The following SPOCD1 variants were observed in gnomAD, a reference collection of about 807,000 sequenced individuals.
SPOCD1 encodes SPOC domain-containing protein 1.
SPOCD1 carries 64 observed loss-of-function variants against 92.2 expected under a neutral mutation model. The ratio of observed to expected loss-of-function variants is 0.69; its 90% CI spans 0.57 to 0.86. The LOEUF (loss-of-function observed/expected upper bound fraction) is 0.86. Ranked by LOEUF, SPOCD1 falls within the 40% of genes least tolerant of loss-of-function variation. The pLI is 0.00. For missense variants in SPOCD1, 1,360 were observed against 1,543.1 expected (o/e 0.88, Z 1.99); for synonymous variants, 578 against 619.3 (o/e 0.93, Z 0.99).
Position 31,793,144 on chromosome 1 carries a change from C to A in SPOCD1, c.2685+134G>T, listed in dbSNP as rs908760465. The A allele has an allele frequency of 7.7e-5, 90 of 1,168,166 alleles. No individual in the cohort carries two copies. The Middle Eastern group carries it at 2.6e-3, about 34-fold the overall frequency. The allele number at this position is 1,168,166 out of a possible 1,614,324, so 72.4% of individuals were successfully genotyped here. ...ACCAACATCTCATTTGCCCCCATGC[C>A]CTGCACAGGGCCAGGCACAGAAAGG... is the stretch of plus-strand genomic sequence containing the variant. On this transcript the variant is annotated intron_variant, in intron 13 of 15. Transcript: ENST00000360482.
chr1:31,802,549 G>C (rs1181605751), intron 2 of SPOCD1, among the ~76,000 whole-genome samples: 1 of 152,010 alleles, frequency 6.6e-6, no homozygotes. Flanking sequence ...AGTATTATTG[G>C]GAGAAAAAGA....
At position 31,800,626 on chromosome 1, in the gene SPOCD1, G is replaced by A. The variant is rs367603473; in HGVS notation, c.1426-9C>T. The A allele has an allele frequency of 1.0e-5, 16 of 1,593,110 alleles. No individual in the cohort carries two copies. The highest frequency in any genetic ancestry group is 1.3e-5 in the Non-Finnish European group (15 of 1,166,898). ...ACTGGCCCGGAACCCAGCTGCGGGG[G>A]AGATCGCACTTCAGAAGCAAGCGGG... On this transcript the variant is annotated splice_polypyrimidine_tract_variant and intron_variant, in intron 3 of 15. Coordinates refer to ENST00000360482, the MANE Select transcript of SPOCD1 (RefSeq NM_144569.7).
chr1:31,797,666 G>C (rs1464776694), intron 9 of SPOCD1, among the ~76,000 whole-genome samples: 1 of 152,134 alleles, frequency 6.6e-6, no homozygotes, highest in East Asian at 1.9e-4. Context: ...TTCTCTCACT[G>C]GGCCACCAAC....
intron 12 of SPOCD1, 138 bp from the exon 13 acceptor site, chr1:31,793,566 G>A: frequency 6.7e-7 from 1 of 1,484,812 alleles, no homozygotes; most frequent in Non-Finnish European, 9.2e-7. Flanking sequence ...CTTGTGCAGG[G>A]GGCTGCCAGG....
chr1:31,803,499 G>T (rs562898168), intron 2 of SPOCD1, among the ~76,000 whole-genome samples: 1 of 151,882 alleles, frequency 6.6e-6, no homozygotes, highest in African/African-American at 2.4e-5. Context: ...TTGGGAGGCC[G>T]AGACAGGAGG....
intron 2 of SPOCD1, among the ~76,000 whole-genome samples, chr1:31,805,970 A>G (rs1648793582): frequency 1.3e-5 from 2 of 152,204 alleles, no homozygotes; most frequent in African/African-American, 2.4e-5. Context: ...TTGTAGCTAT[A>G]TTAATAATCA....
Position 31,815,360 on chromosome 1 carries a change from C to T in SPOCD1, c.-27G>A, listed in dbSNP as rs759485382. On this transcript the variant is annotated 5_prime_UTR_variant, in exon 2 of 16. Coordinates refer to ENST00000360482, the MANE Select transcript of SPOCD1 (RefSeq NM_144569.7). ...TCTGTCCACCTACCTGGGCCAAAAG[C>T]ACAACACGGGCCCTGTGTGGAGACA... is the stretch of plus-strand genomic sequence containing the variant. 90 of 1,516,360 alleles carry T rather than the reference C, an allele frequency of 5.9e-5. No individual in the cohort carries two copies. Among genetic ancestry groups the T allele is most frequent in the Middle Eastern group, 3.6e-4 (2 of 5,618 alleles). 93.9% of individuals were successfully genotyped at this position (1,516,360 alleles called of 1,614,324 possible). A position where few individuals can be genotyped will look rare whatever the true frequency, so the allele number is the denominator to read the frequency against.
rs774068573 is a variant in SPOCD1 at position 31,814,317 on chromosome 1, C to T, written c.1017G>A (p.Glu339=). The T allele has an allele frequency of 1.0e-5, 16 of 1,575,370 alleles. No individual in the cohort carries two copies. The highest frequency in any genetic ancestry group is 1.4e-5 in the African/African-American group (1 of 73,972). ...GCACGACACACACAGCTTCTTGCTG[C>T]TCTGCAGAGGCCTGTGCTGACGCCC... is the stretch of plus-strand genomic sequence containing the variant. The part of the protein sequence containing the change: ...CLGASAQASA[E]QQEAVCVVRT... Residue 339 remains glutamate, a synonymous_variant, in exon 2 of 16, where the codon GAG becomes GAA. Transcript: ENST00000360482. The surrounding 1 kb of genome is among the most constrained non-coding windows in gnomAD (Gnocchi z 4.2).
rs1021115901 is a variant in SPOCD1 at position 31,798,966 on chromosome 1, CAG to C, written c.1869-367_1869-366del. 1.5e-5 allele frequency: 8 copies of C among 535,642 alleles called. No individual in the cohort carries two copies. Among genetic ancestry groups the C allele is most frequent in the Admixed American group, 1.1e-4 (3 of 28,372 alleles). The allele number at this position is 535,642 out of a possible 1,614,324, so 33.2% of individuals were successfully genotyped here. On this transcript the variant is annotated intron_variant, in intron 7 of 15. Transcript: ENST00000360482. This position sits in a 1 kb window ranked among gnomAD's most constrained non-coding sequence, Gnocchi z 4.1. ...GGTCAGGTCAGAGTAAGGCAGGAGT[CAG>C]GGGGAGAGAATGGAGCCCTGGCCCT...
Position 31,815,205 on chromosome 1 carries a change from C to T in SPOCD1, c.129G>A (p.Pro43=), listed in dbSNP as rs898484001. The T allele has an allele frequency of 5.0e-6, 8 of 1,608,228 alleles. No individual in the cohort carries two copies. Among genetic ancestry groups the T allele is most frequent in the African/African-American group, 1.3e-5 (1 of 74,816 alleles). ...TGACTCCGGGCCCAGAGCTTGCTCC[C>T]GGCCCATCTGGTGACAGGCCTGGCA... ...SSMPGLSPDG[P]GASSGPGVRA... The change falls in exon 2 of 16, where the codon CCG becomes CCA. Residue 43 remains proline, a synonymous_variant. Coordinates refer to ENST00000360482, the MANE Select transcript of SPOCD1 (RefSeq NM_144569.7).
intron 2 of SPOCD1, among the ~76,000 whole-genome samples, chr1:31,808,794 A>T (rs1027311374): frequency 6.6e-6 from 1 of 152,244 alleles, no homozygotes; most frequent in African/African-American, 2.4e-5. Context: ...ATCCAAATAG[A>T]TAAATTATAT....
At position 31,814,250 on chromosome 1, in the gene SPOCD1, C is replaced by T. The variant is rs1262319325; in HGVS notation, c.1084G>A (p.Glu362Lys). Residue 362 changes from glutamate (E) to lysine (K), a missense_variant, in exon 2 of 16, where the codon GAG becomes AAG. Coordinates refer to ENST00000360482, the MANE Select transcript of SPOCD1 (RefSeq NM_144569.7). The surrounding 1 kb of genome is among the most constrained non-coding windows in gnomAD (Gnocchi z 4.2). ...DEGQAPAQDQ[E>K]ELEAKAQPAS... ...GGCTGAGCCTTGGCCTCCAGCTCCTCCTGGTCCTGTGCTGGAGCCTGGCCT... is the reference window on the plus strand; with the variant it reads ...GGCTGAGCCTTGGCCTCCAGCTCCTTCTGGTCCTGTGCTGGAGCCTGGCCT... 1 of 1,584,672 alleles carries T rather than the reference C, an allele frequency of 6.3e-7. No individual in the cohort carries two copies. The highest frequency in any genetic ancestry group is 8.6e-7 in the Non-Finnish European group (1 of 1,164,778).
chr1:31,796,734 C>A lies in SPOCD1; in HGVS notation c.2146-19G>T. On this transcript the variant is annotated intron_variant, in intron 9 of 15. Coordinates refer to ENST00000360482, the MANE Select transcript of SPOCD1 (RefSeq NM_144569.7). Reference sequence around the variant, plus strand: ...TCAGGCCCTGAAGAGGTGGAGCAGGCCAAGCTGAGCCCAGTTAGGGGGCCT... The same window carrying A: ...TCAGGCCCTGAAGAGGTGGAGCAGGACAAGCTGAGCCCAGTTAGGGGGCCT... The A allele has an allele frequency of 6.2e-7, 1 of 1,614,002 alleles. No homozygotes were observed. The highest frequency in any genetic ancestry group is 8.5e-7 in the Non-Finnish European group (1 of 1,179,928).
chr1:31,795,730 A>G (rs1293213099), intron 10 of SPOCD1: 2 of 152,094 alleles, frequency 1.3e-5, no homozygotes, highest in Non-Finnish European at 2.9e-5. Flanking sequence ...GTTCACTGTC[A>G]CTTCCCCAGT....
rs535229713 is a variant in SPOCD1 at position 31,791,179 on chromosome 1, C to G, written c.3075G>C (p.Gly1025=). The change falls in exon 16 of 16, where the codon GGG becomes GGC. Residue 1025 remains glycine (G), a synonymous_variant. Coordinates refer to ENST00000360482, the MANE Select transcript of SPOCD1 (RefSeq NM_144569.7). ...LPKEGLPDTA[G]SSPWLGKVQK... Reference sequence around the variant, plus strand: ...GAACCTTCCCCAACCAGGGGCTGGACCCTGCTGTGTCTGGAAGCCCTTCCT... The same window carrying G: ...GAACCTTCCCCAACCAGGGGCTGGAGCCTGCTGTGTCTGGAAGCCCTTCCT... 2.5e-6 allele frequency: 4 copies of G among 1,612,428 alleles called. No homozygotes were observed. Among genetic ancestry groups the G allele is most frequent in the African/African-American group, 2.7e-5 (2 of 75,034 alleles).
At position 31,814,294 on chromosome 1, in the gene SPOCD1, A is replaced by C. The variant is rs1649398859; in HGVS notation, c.1040T>G (p.Val347Gly). ...SAEQQEAVCV[V>G]RTGSDEGQAP... ...CTGGCCTTCATCGCTGCCAGTCCGC[A>C]CGACACACACAGCTTCTTGCTGCTC... is the stretch of plus-strand genomic sequence containing the variant. The change falls in exon 2 of 16, where the codon GTG becomes GGG. Residue 347 changes from valine to glycine, a missense_variant. Val to Gly is a moderately radical substitution (Grantham distance 109). This residue lies in a region of SPOCD1 where 606 missense variants were observed against 601.5 expected (regional missense o/e 1.01). Coordinates refer to ENST00000360482, the MANE Select transcript of SPOCD1 (RefSeq NM_144569.7). The surrounding 1 kb of genome is among the most constrained non-coding windows in gnomAD (Gnocchi z 4.2). 1 of 1,577,116 alleles carries C rather than the reference A, an allele frequency of 6.3e-7. No individual in the cohort carries two copies. Among genetic ancestry groups the C allele is most frequent in the Non-Finnish European group, 8.6e-7 (1 of 1,157,980 alleles).
intron 15 of SPOCD1, among the ~76,000 whole-genome samples, chr1:31,791,693 ATT>A (rs1371034116): frequency 6.6e-6 from 1 of 152,120 alleles, no homozygotes; most frequent in African/African-American, 2.4e-5. Flanking sequence ...CTGAGGTGAC[ATT>A]TACAGTCAAG....
Position 31,792,268 on chromosome 1 carries a change from G to T in SPOCD1, c.2909C>A (p.Pro970His), listed in dbSNP as rs1391998286. 6.2e-7 allele frequency: 1 copy of T among 1,613,088 alleles called. No homozygotes were observed. The highest frequency in any genetic ancestry group is 2.2e-5 in the East Asian group (1 of 44,864). Reference protein sequence around the residue: ...SVEHMGMVLLPLPAFQPLPTR... With the variant: ...SVEHMGMVLLHLPAFQPLPTR... ...GGGCAGGGGCTGGAAGGCAGGCAGG[G>T]GCAGCAGGACCATCCCCATGTGCTC... Residue 970 changes from proline (P) to histidine (H), a missense_variant, in exon 15 of 16, where the codon CCC (proline) becomes CAC (histidine). Physicochemically the swap from Pro to His is moderately conservative, Grantham distance 77. Transcript: ENST00000360482.
Position 31,815,382 on chromosome 1 carries a change from GA to G in SPOCD1, c.-39-11del, listed in dbSNP as rs1557835388. 1 of 1,495,418 alleles carries G rather than the reference GA, an allele frequency of 6.7e-7. No individual in the cohort carries two copies. The highest frequency in any genetic ancestry group is 8.9e-7 in the Non-Finnish European group (1 of 1,120,316). The allele number at this position is 1,495,418 out of a possible 1,614,324, so 92.6% of individuals were successfully genotyped here. On this transcript the variant is annotated splice_polypyrimidine_tract_variant and intron_variant, in intron 1 of 15. Transcript: ENST00000360482. ...AAGCACAACACGGGCCCTGTGTGGA[GA>G]CAGAAAGAGGAGACTTTGTCTTGGA...
Sources: gnomAD v4.1 joint callset for allele counts (sites outside exome capture counted in the v4.1 genomes callset) on GRCh38, gnomAD v4.1.1 for gene constraint, gnomAD v4.1.1 regional missense constraint, Gnocchi (gnomAD v3.1) non-coding constraint, MANE v1.5 for transcripts, NCBI Gene and HGNC (gene_info 2026-07-23, HGNC 2026-07-21) for gene names.